SMYD3: variants seen among roughly 807,000 people sequenced by gnomAD.
The protein encoded by SMYD3 is histone-lysine N-methyltransferase SMYD3.
A neutral mutation model predicts 57.7 loss-of-function variants in SMYD3; 36 were observed. The ratio of observed to expected loss-of-function variants is 0.62; its 90% confidence interval spans 0.48 to 0.82. The LOEUF is 0.82. SMYD3 is among the 40% of genes least tolerant of loss of function. SMYD3 has a pLI of 0.00. For synonymous variants in SMYD3, 211 were observed against 195.0 expected (o/e 1.08, Z -0.68); for missense variants, 515 against 538.8 (o/e 0.96, Z 0.44).
intron 1 of SMYD3, among the ~76,000 whole-genome samples, chr1:246,461,462 C>T (rs2067796692): frequency 6.6e-6 from 1 of 152,188 alleles, no homozygotes; most frequent in East Asian, 1.9e-4. Context: ...AAAATAATCA[C>T]ATCATAAACA....
intron 5 of SMYD3, among the ~76,000 whole-genome samples, chr1:245,935,421 G>A (rs866133802): frequency 5.9e-5 from 9 of 152,186 alleles, no homozygotes; most frequent in Admixed American, 2.6e-4. Context: ...TGAGGATGTG[G>A]AGACAAGGGA....
At chr1:246,227,902 T>A (rs1443064287) in intron 5 of SMYD3, among the ~76,000 whole-genome samples, 5 of 151,946 alleles carry the variant, frequency 3.3e-5, no homozygotes, top group African/African-American at 1.2e-4. Flanking sequence ...AGATTTGGCA[T>A]CATATGCTAT....
intron 5 of SMYD3, among the ~76,000 whole-genome samples, chr1:246,294,980 A>G (rs2064765058): frequency 6.6e-6 from 1 of 152,230 alleles, no homozygotes; most frequent in South Asian, 2.1e-4. Context: ...TGTGGAGGTT[A>G]CATGAGATAA....
At chr1:246,093,561 A>C (rs1201528614) in intron 5 of SMYD3, among the ~76,000 whole-genome samples, 1 of 152,202 alleles carries the variant, frequency 6.6e-6, no homozygotes, top group African/African-American at 2.4e-5. Context: ...GTGGGAGCTA[A>C]AACAATTTGA....
intron 5 of SMYD3, among the ~76,000 whole-genome samples, chr1:246,086,169 A>G (rs2060717719): frequency 6.6e-6 from 1 of 151,960 alleles, no homozygotes; most frequent in African/African-American, 2.4e-5. Context: ...AATTATATGG[A>G]CACCCCACCA....
intron 5 of SMYD3, among the ~76,000 whole-genome samples, chr1:246,287,714 C>T (rs1430081539): frequency 6.6e-6 from 1 of 152,108 alleles, no homozygotes; most frequent in East Asian, 1.9e-4. Flanking sequence ...ATCCATCTGC[C>T]TACGGGATAT....
chr1:246,105,781 T>G (rs2061107197), intron 5 of SMYD3, among the ~76,000 whole-genome samples: 1 of 152,166 alleles, frequency 6.6e-6, no homozygotes, highest in Admixed American at 6.5e-5. Context: ...GTAATGGGCT[T>G]TCCACGGTTA....
chr1:246,469,065 T>C (rs1432596919), intron 1 of SMYD3, among the ~76,000 whole-genome samples: 1 of 152,136 alleles, frequency 6.6e-6, no homozygotes, highest in African/African-American at 2.4e-5. Flanking sequence ...ATTCCATCAC[T>C]AGAGCAAAAG....
chr1:245,816,691 GC>G (rs1479184555), intron 10 of SMYD3, among the ~76,000 whole-genome samples: 2 of 151,980 alleles, frequency 1.3e-5, no homozygotes, highest in African/African-American at 2.4e-5. Flanking sequence ...GTGGGTGCGC[GC>G]ACCGTGCGCG....
At position 245,999,471 on chromosome 1, in the gene SMYD3, T is replaced by G. The variant is rs550276076; in HGVS notation, c.532-69534A>C. 1.6e-4 allele frequency among the ~76,000 whole-genome samples: 25 copies of G among 152,282 alleles called. No homozygotes were observed. The South Asian group carries it at 4.8e-3, about 29-fold the overall frequency. Reference sequence around the variant, plus strand: ...TGAAAACCAGCAAGGTTAAGTATCTTGCCCAAGATCACAGAGCAAGACATG... The same window carrying G: ...TGAAAACCAGCAAGGTTAAGTATCTGGCCCAAGATCACAGAGCAAGACATG... On this transcript the variant is annotated intron_variant, in intron 5 of 11. Transcript: ENST00000490107.
chr1:245,993,129 T>G (rs1436161827), intron 5 of SMYD3, among the ~76,000 whole-genome samples: 1 of 152,244 alleles, frequency 6.6e-6, no homozygotes, highest in African/African-American at 2.4e-5. Context: ...TTCATCATGT[T>G]CCAGATACTG....
intron 1 of SMYD3, among the ~76,000 whole-genome samples, chr1:246,357,448 G>T (rs2065926000): frequency 6.6e-6 from 1 of 152,174 alleles, no homozygotes; most frequent in Non-Finnish European, 1.5e-5. Flanking sequence ...TTCACCCCTT[G>T]TTTAGCATAT....
intron 5 of SMYD3, among the ~76,000 whole-genome samples, chr1:245,940,623 C>A (rs1333490303): frequency 2.0e-5 from 3 of 151,852 alleles, no homozygotes; most frequent in Admixed American, 2.0e-4. Context: ...CCGACATCAT[C>A]ATCAACAAAA....
intron 1 of SMYD3, among the ~76,000 whole-genome samples, chr1:246,481,782 T>TAGAG (rs1428580014): frequency 2.1e-5 from 3 of 142,546 alleles, no homozygotes; most frequent in African/African-American, 5.4e-5. Context: ...GATATATATA[T>TAGAG]ATAGAGAGAG....
chr1:246,227,861 T>TA (rs2063351506), intron 5 of SMYD3, among the ~76,000 whole-genome samples: 1 of 151,980 alleles, frequency 6.6e-6, no homozygotes, highest in South Asian at 2.1e-4. Flanking sequence ...CACCGATCTC[T>TA]AAAAATCTGT....
chr1:245,753,853 C>G (rs1309516798), intron 11 of SMYD3, among the ~76,000 whole-genome samples: 1 of 152,258 alleles, frequency 6.6e-6, no homozygotes, highest in Non-Finnish European at 1.5e-5. Flanking sequence ...GAGGACAATT[C>G]TGGTTTAATT....
chr1:246,073,830 A>G (rs1379288272), intron 5 of SMYD3, among the ~76,000 whole-genome samples: 1 of 152,164 alleles, frequency 6.6e-6, no homozygotes, highest in Admixed American at 6.5e-5. Context: ...CCAAACCTCC[A>G]TAGAGGTACT....
chr1:245,849,453 A>G (rs1451723123), intron 10 of SMYD3, among the ~76,000 whole-genome samples: 1 of 151,916 alleles, frequency 6.6e-6, no homozygotes, highest in African/African-American at 2.4e-5. Flanking sequence ...CTTCCAGCAG[A>G]GATGAGTTAT....
intron 5 of SMYD3, chr1:245,930,871 A>C (rs2056674537): frequency 6.6e-6 from 1 of 152,242 alleles, no homozygotes; most frequent in Admixed American, 6.5e-5. Context: ...AGTTGTCAAG[A>C]AAGCTCTTTA....
Sources: allele counts gnomAD v4.1 joint callset (sites outside exome capture counted in the v4.1 genomes callset), GRCh38; gene constraint gnomAD v4.1.1; transcripts MANE v1.5; gene names NCBI Gene and HGNC (gene_info 2026-07-23, HGNC 2026-07-21).